The following NUP188 variants were observed in gnomAD, a reference collection of about 807,000 sequenced individuals.
NUP188 encodes the protein nucleoporin NUP188.
A neutral mutation model predicts 223.0 loss-of-function variants in NUP188; 97 were observed. The observed-to-expected ratio is 0.43, with a 90% confidence interval of 0.37 to 0.51. The LOEUF (loss-of-function observed/expected upper bound fraction) is 0.51, where lower values mean the gene tolerates loss of function less well. Among genes scored for constraint, NUP188 ranks in the 20% least tolerant of loss-of-function variants. NUP188 has a pLI of 0.00. For missense variants in NUP188, 1,947 were observed against 2,175.6 expected (o/e 0.89, Z 2.09); for synonymous variants, 869 against 828.0 (o/e 1.05, Z -0.85).
In NUP188 at chr9:128,982,713, T is replaced by G. The variant is rs774386574; in HGVS notation, c.1669+12T>G. 1 of 1,613,046 alleles carries G rather than the reference T, an allele frequency of 6.2e-7. No homozygotes were observed. Among genetic ancestry groups the G allele is most frequent in the South Asian group, 1.1e-5 (1 of 90,796 alleles). On this transcript the variant is annotated intron_variant, in intron 16 of 43. Transcript: ENST00000372577. ...TGTTTCAACTGCAGGTAAGGTCAGC[T>G]TTCGGAAACATCACCTACGAGGAGG... is the stretch of plus-strand genomic sequence containing the variant.
rs534481646 is a variant in NUP188 at position 128,968,585 on chromosome 9, A to G, written c.665A>G (p.Tyr222Cys). Residue 222 changes from tyrosine (Y) to cysteine (C), a missense_variant, in exon 9 of 44, where the codon TAT becomes TGT. Tyr to Cys is a radical substitution (Grantham distance 194, BLOSUM62 -2). This residue lies in a region of NUP188 where 817 missense variants were observed against 865.8 expected (regional missense o/e 0.94). Coordinates refer to ENST00000372577, the MANE Select transcript of NUP188 (RefSeq NM_015354.3). ...CTGCTAGAAATTATTTTCCTTTATT[A>G]TGCATACTTTGAGATGGCACCCAGT... is the stretch of plus-strand genomic sequence containing the variant. ...SMLLEIIFLY[Y>C]AYFEMAPSDL... The G allele has an allele frequency of 6.2e-7, 1 of 1,614,098 alleles. No individual in the cohort carries two copies. Among genetic ancestry groups the G allele is most frequent in the South Asian group, 1.1e-5 (1 of 91,078 alleles).
At chr9:128,979,822 C>T (rs1234075505) in intron 13 of NUP188, among the ~76,000 whole-genome samples, 7 of 152,064 alleles carry the variant, frequency 4.6e-5, no homozygotes, top group Admixed American at 2.6e-4. Flanking sequence ...CTAGTAGAGA[C>T]GGGGTTTCAC....
chr9:128,969,024 A>G (rs564034379), intron 9 of NUP188, among the ~76,000 whole-genome samples: 3 of 152,252 alleles, frequency 2.0e-5, no homozygotes, highest in Admixed American at 6.5e-5. Context: ...ATAGTGATAA[A>G]TAAGGCATAT....
chr9:128,954,591 C>T (rs970303450), intron 3 of NUP188, among the ~76,000 whole-genome samples: 3 of 151,666 alleles, frequency 2.0e-5, no homozygotes, highest in African/African-American at 7.2e-5. Flanking sequence ...TCACTGTGTT[C>T]GCCAGGATGG....
chr9:128,984,980 T>C lies in NUP188; in HGVS notation c.2042T>C (p.Ile681Thr), dbSNP rs1564560367. 1 of 1,613,832 alleles carries C rather than the reference T, an allele frequency of 6.2e-7. No homozygotes were observed. The highest frequency in any genetic ancestry group is 8.5e-7 in the Non-Finnish European group (1 of 1,179,806). Residue 681 changes from isoleucine (I) to threonine (T), a missense_variant, in exon 20 of 44, where the codon ATT becomes ACT. Transcript: ENST00000372577. The part of the protein sequence containing the change: ...EQPQGEYGVT[I>T]AFLRLITTLV... ...CCTCAGGGCGAGTATGGGGTTACTA[T>C]TGCCTTTCTGCGCTTGATCACCACC...
At chr9:129,003,646 T>C (rs752322339) in intron 38 of NUP188, 192 bp downstream of exon 38, 13 of 719,508 alleles carry the variant, frequency 1.8e-5, no homozygotes, top group East Asian at 5.5e-5. Context: ...AGGGCAGCCA[T>C]GTAGGTTAAG....
chr9:128,998,680 C>A, intron 32 of NUP188, 57 bp downstream of exon 32: 1 of 1,380,538 alleles, frequency 7.2e-7, no homozygotes, highest in Non-Finnish European at 1.0e-6. Context: ...TCAGTGCCTG[C>A]TTGCCTTCCT....
intron 29 of NUP188, 130 bp downstream of exon 29, chr9:128,995,053 C>T (rs1376976075): frequency 2.7e-6 from 2 of 729,090 alleles, no homozygotes; most frequent in African/African-American, 1.7e-5. Context: ...TCATGGAAGG[C>T]CAGTGAGCTG....
intron 2 of NUP188, among the ~76,000 whole-genome samples, chr9:128,952,184 T>C (rs534421056): frequency 6.6e-6 from 1 of 151,182 alleles, no homozygotes; most frequent in Non-Finnish European, 1.5e-5. Context: ...AGATCACGAG[T>C]TCAGGAGTTC....
At position 128,961,157 on chromosome 9, in the gene NUP188, T is replaced by TA. The variant is rs748866948; in HGVS notation, c.585+2030dup. On this transcript the variant is annotated intron_variant, in intron 8 of 43. Coordinates refer to ENST00000372577, the MANE Select transcript of NUP188 (RefSeq NM_015354.3). ...CAATATGGTGAAGCCCTGTCTCTAG[T>TA]AAAAAAATATACAAAAAAAAAAATT... Among the ~76,000 whole-genome samples, 13 of 140,422 alleles carry TA rather than the reference T, an allele frequency of 9.3e-5. No individual in the cohort carries two copies. The South Asian group carries it at 1.1e-3, about 12-fold the overall frequency. 92.1% of individuals were successfully genotyped at this position (140,422 alleles called of 152,430 possible).
intron 29 of NUP188, 92 bp from the exon 30 acceptor site, chr9:128,995,227 A>G: frequency 1.0e-6 from 1 of 999,266 alleles, no homozygotes; most frequent in Non-Finnish European, 1.6e-6. Flanking sequence ...AGCCCATGCA[A>G]GGTCGTTTTC....
chr9:128,998,677 C>G (rs1842575681), intron 32 of NUP188, 54 bp downstream of exon 32: 1 of 1,404,368 alleles, frequency 7.1e-7, no homozygotes, highest in African/African-American at 1.4e-5. Flanking sequence ...TTGTCAGTGC[C>G]TGCTTGCCTT....
intron 31 of NUP188, 52 bp downstream of exon 31, chr9:128,998,280 G>A: frequency 6.8e-7 from 1 of 1,475,942 alleles, no homozygotes; most frequent in South Asian, 1.1e-5. Context: ...TGTCTTTGAA[G>A]TCAAATAGCA....
At chr9:128,949,330 T>C in intron 2 of NUP188, 87 bp downstream of exon 2, 1 of 882,478 alleles carries the variant, frequency 1.1e-6, no homozygotes, top group Non-Finnish European at 1.9e-6. Context: ...ATGTAGGAAG[T>C]AAACACATTT....
At chr9:129,003,284 C>G (rs541208740) in intron 37 of NUP188, 33 bp from the exon 38 acceptor site, 19 of 1,585,596 alleles carry the variant, frequency 1.2e-5, no homozygotes, top group Non-Finnish European at 1.5e-5. Context: ...CTCAGCCATC[C>G]CCATCTTTCC....
intron 37 of NUP188, 137 bp from the exon 38 acceptor site, chr9:129,003,180 G>A: frequency 8.3e-7 from 1 of 1,205,320 alleles, no homozygotes; most frequent in Non-Finnish European, 1.2e-6. Context: ...CAGAATCCTG[G>A]TTGTACCACT....
chr9:128,969,553 A>G (rs375576206), intron 10 of NUP188, 39 bp downstream of exon 10: 4 of 1,153,392 alleles, frequency 3.5e-6, no homozygotes, highest in African/African-American at 1.6e-5. Flanking sequence ...GAGGGTTTAT[A>G]AGTTAGTAGT....
chr9:128,975,588 T>C (rs1159240045), intron 12 of NUP188, among the ~76,000 whole-genome samples: 1 of 150,654 alleles, frequency 6.6e-6, no homozygotes, highest in African/African-American at 2.5e-5. Context: ...TAGCGTGATC[T>C]CCACTCACTT....
At chr9:128,963,016 G>A (rs1479013052) in intron 8 of NUP188, among the ~76,000 whole-genome samples, 1 of 152,106 alleles carries the variant, frequency 6.6e-6, no homozygotes, top group Non-Finnish European at 1.5e-5. Context: ...TTCAGTTAAT[G>A]TCATGTTTTT....
Sources: allele counts gnomAD v4.1 joint callset (sites outside exome capture counted in the v4.1 genomes callset), GRCh38; gene constraint gnomAD v4.1.1; regional missense constraint gnomAD v4.1.1; transcripts MANE v1.5; gene names NCBI Gene and HGNC (gene_info 2026-07-23, HGNC 2026-07-21).